Variants in TMEM74 observed in about 807,000 individuals in gnomAD.
TMEM74 encodes the protein transmembrane protein 74.
A neutral mutation model predicts 18.1 loss-of-function variants in TMEM74; 13 were observed. The ratio of observed to expected loss-of-function variants is 0.72; its 90% CI spans 0.47 to 1.14. The LOEUF is 1.14. TMEM74 is among the 50% of genes most tolerant of loss of function. TMEM74 has a pLI of 0.00. For synonymous variants in TMEM74, 159 were observed against 146.6 expected (o/e 1.08, Z -0.61); for missense variants, 372 against 375.9 (o/e 0.99, Z 0.09).
At chr8:108,693,647 G>A (rs77854172) in intron 1 of TMEM74, among the ~76,000 whole-genome samples, 7 of 152,296 alleles carry the variant, frequency 4.6e-5, no homozygotes, top group East Asian at 1.9e-4. Context: ...AAATAGGTAC[G>A]GGGTGGTGTG....
chr8:108,668,195 T>C (rs764088906), intron 1 of TMEM74, among the ~76,000 whole-genome samples: 1 of 152,158 alleles, frequency 6.6e-6, no homozygotes, highest in Non-Finnish European at 1.5e-5. Context: ...AGTATGTTCA[T>C]AAATTTAATA....
At chr8:108,619,695 C>T (rs1485114209) in intron 2 of TMEM74, among the ~76,000 whole-genome samples, 1 of 152,188 alleles carries the variant, frequency 6.6e-6, no homozygotes, top group Non-Finnish European at 1.5e-5. Context: ...CAGAGTCCAG[C>T]CCTCATGTCC....
At chr8:108,668,372 G>T (rs1375423099) in intron 1 of TMEM74, among the ~76,000 whole-genome samples, 1 of 152,078 alleles carries the variant, frequency 6.6e-6, no homozygotes, top group Non-Finnish European at 1.5e-5. Context: ...AAACTATGTT[G>T]TTTATCAGTT....
At chr8:108,676,620 C>T (rs967335650) in intron 1 of TMEM74, among the ~76,000 whole-genome samples, 105 of 152,272 alleles carry the variant, frequency 6.9e-4, no homozygotes, top group African/African-American at 2.2e-3. Context: ...TAATATTTTT[C>T]ACCCTCTAGT....
intron 1 of TMEM74, among the ~76,000 whole-genome samples, chr8:108,711,795 CAGAG>C (rs948667759): frequency 1.3e-5 from 2 of 152,094 alleles, no homozygotes; most frequent in Non-Finnish European, 2.9e-5. Flanking sequence ...ACATTACTAA[CAGAG>C]AGACTATAAT....
intron 1 of TMEM74, among the ~76,000 whole-genome samples, chr8:108,665,013 G>A (rs1235184692): frequency 6.8e-6 from 1 of 147,988 alleles, no homozygotes; most frequent in South Asian, 2.2e-4. Flanking sequence ...CCAACTTAAA[G>A]CTTTTTTTTT....
At chr8:108,728,610 G>T (rs527868720) in intron 1 of TMEM74, among the ~76,000 whole-genome samples, 1 of 152,234 alleles carries the variant, frequency 6.6e-6, no homozygotes, top group East Asian at 1.9e-4. Flanking sequence ...ATTTAGCAAG[G>T]TATAACTATA....
chr8:108,743,993 T>A (rs17434041), intron 1 of TMEM74, among the ~76,000 whole-genome samples: 3,384 of 152,038 alleles, frequency 0.022, 54 homozygotes, highest in South Asian at 0.044. Flanking sequence ...CAATCCTATT[T>A]TCTTAGCTGA....
intron 1 of TMEM74, among the ~76,000 whole-genome samples, chr8:108,770,601 G>C (rs973537443): frequency 2.6e-5 from 4 of 152,146 alleles, no homozygotes; most frequent in African/African-American, 9.6e-5. Flanking sequence ...TATGCTGACA[G>C]GTTCTTCTTT....
At chr8:108,632,199 G>C (rs2935772) in intron 2 of TMEM74, among the ~76,000 whole-genome samples, 33,070 of 151,788 alleles carry the variant, frequency 0.22, 3,634 homozygotes, top group East Asian at 0.27. Flanking sequence ...ACATGTGAAT[G>C]AATTTTTTCA....
At chr8:108,774,500 A>G (rs1319966641), downstream of TMEM74, among the ~76,000 whole-genome samples, 2 of 152,194 alleles carry the variant, frequency 1.3e-5, no homozygotes, top group African/African-American at 4.8e-5. Context: ...GTTCTTAGGC[A>G]GCTTCATCCA....
At chr8:108,734,196 C>G (rs1024332453) in intron 1 of TMEM74, among the ~76,000 whole-genome samples, 1 of 152,106 alleles carries the variant, frequency 6.6e-6, no homozygotes, top group Non-Finnish European at 1.5e-5. Flanking sequence ...CACTCTCTCT[C>G]GGAGCTCGGA....
intron 2 of TMEM74, among the ~76,000 whole-genome samples, chr8:108,645,572 T>C (rs1157973524): frequency 6.6e-6 from 1 of 152,120 alleles, no homozygotes; most frequent in Non-Finnish European, 1.5e-5. Flanking sequence ...GCTTGACCCA[T>C]TTCATGATCA....
At chr8:108,769,405 C>T (rs182270461) in intron 1 of TMEM74, among the ~76,000 whole-genome samples, 5 of 152,072 alleles carry the variant, frequency 3.3e-5, no homozygotes, top group South Asian at 4.1e-4. Flanking sequence ...TCTCAGCAAG[C>T]GCACTTTTCC....
rs574661544 is a variant in TMEM74, at chr8:108,625,214, A to G, written n.265-16388T>C. Among the ~76,000 whole-genome samples the G allele has an allele frequency of 9.2e-5, 14 of 152,168 alleles. No homozygotes were observed. The East Asian group carries it at 2.7e-3, about 29-fold the overall frequency. ...ATCATGTGGAAGAGGGAACACACAG[A>G]TTTTAAACTGTTAACCACAACACAA... On this transcript the variant is annotated intron_variant and non_coding_transcript_variant, in intron 2 of 3. Coordinates refer to the TMEM74 transcript ENST00000518838.
intron 1 of TMEM74, among the ~76,000 whole-genome samples, chr8:108,746,475 T>C (rs28396632): frequency 0.047 from 7,215 of 152,196 alleles, 446 homozygotes; most frequent in African/African-American, 0.14. Flanking sequence ...AGAGATTAAG[T>C]ACTAGTACCT....
chr8:108,647,733 G>A (rs912155732), intron 2 of TMEM74, among the ~76,000 whole-genome samples: 3 of 152,002 alleles, frequency 2.0e-5, no homozygotes, highest in African/African-American at 4.8e-5. Context: ...GAAAAACTAA[G>A]AGCCATTTTT....
chr8:108,761,222 C>T (rs1359029516), intron 1 of TMEM74, among the ~76,000 whole-genome samples: 2 of 151,994 alleles, frequency 1.3e-5, no homozygotes, highest in African/African-American at 4.8e-5. Flanking sequence ...GAGTCAGGAA[C>T]GTGGGCTCTA....
At chr8:108,646,858 G>C (rs1026420031) in intron 2 of TMEM74, among the ~76,000 whole-genome samples, 39 of 152,128 alleles carry the variant, frequency 2.6e-4, no homozygotes, top group Non-Finnish European at 4.4e-4. Flanking sequence ...CATATTCCAA[G>C]TATGTTCTAT....
Sources: allele counts gnomAD v4.1 joint callset (sites outside exome capture counted in the v4.1 genomes callset), GRCh38; gene constraint gnomAD v4.1.1; transcripts MANE v1.5; gene names NCBI Gene and HGNC (gene_info 2026-07-23, HGNC 2026-07-21).